The following PCBD2 variants were observed in gnomAD, a reference collection of about 807,000 sequenced individuals.
PCBD2 encodes pterin-4-alpha-carbinolamine dehydratase 2.
A neutral mutation model predicts 16.4 loss-of-function variants in PCBD2; 12 were observed. The observed-to-expected ratio is 0.73, with a 90% CI of 0.47 to 1.19. PCBD2 has a LOEUF of 1.19. PCBD2 is among the 50% of genes most tolerant of loss of function. PCBD2 has a pLI of 0.00. For synonymous variants in PCBD2, 58 were observed against 61.8 expected, an observed-to-expected ratio of 0.94 and a Z score of 0.29; for missense variants, 138 against 156.8, an observed-to-expected ratio of 0.88 and a Z score of 0.64.
intron 2 of PCBD2, among the ~76,000 whole-genome samples, chr5:134,939,706 A>C (rs1392835149): frequency 6.6e-6 from 1 of 152,226 alleles, no homozygotes; most frequent in Non-Finnish European, 1.5e-5. Context: ...GACATCTGTG[A>C]CTTGGGGTCT....
At chr5:134,960,290 C>G (rs1253570561) in intron 3 of PCBD2, among the ~76,000 whole-genome samples, 1 of 152,138 alleles carries the variant, frequency 6.6e-6, no homozygotes, top group Non-Finnish European at 1.5e-5. Context: ...ACCTCAGTCT[C>G]TCTTTTTATT....
intron 2 of PCBD2, among the ~76,000 whole-genome samples, chr5:134,957,344 G>A (rs978729175): frequency 6.6e-6 from 1 of 152,150 alleles, no homozygotes; most frequent in South Asian, 2.1e-4. Context: ...GGACTCCCTG[G>A]CTCAAAAGGC....
chr5:134,910,514 T>G (rs765297685), intron 2 of PCBD2, 48 bp downstream of exon 2: 1 of 1,593,314 alleles, frequency 6.3e-7, no homozygotes, highest in African/African-American at 1.3e-5. Flanking sequence ...TTTAGTCACC[T>G]TAGGCCATAA....
At chr5:134,938,307 T>C (rs1751185322) in intron 2 of PCBD2, among the ~76,000 whole-genome samples, 2 of 152,200 alleles carry the variant, frequency 1.3e-5, no homozygotes, top group South Asian at 2.1e-4. Flanking sequence ...TTCAGTAGAC[T>C]TGCCTCTCAT....
chr5:134,925,213 G>A lies in PCBD2; in HGVS notation c.216+14747G>A, dbSNP rs1371784355. 4 of 398,510 alleles carry A rather than the reference G, an allele frequency of 1.0e-5. No individual in the cohort carries two copies. In the East Asian group the frequency reaches 1.4e-4, roughly 14 times the overall value. 24.7% of individuals were successfully genotyped at this position (398,510 alleles called of 1,614,324 possible). On this transcript the variant is annotated intron_variant, in intron 2 of 3. Coordinates refer to ENST00000254908, the MANE Select transcript of PCBD2 (RefSeq NM_032151.5). ...AGTGCTATAGGCGCTTGTCAGGGAG[G>A]TGGCGATGAGAGTAATAGACAGGGC...
At chr5:134,914,128 G>C (rs1014655276) in intron 2 of PCBD2, among the ~76,000 whole-genome samples, 2 of 152,126 alleles carry the variant, frequency 1.3e-5, no homozygotes, top group Admixed American at 6.5e-5. Context: ...GGCAGGAGAG[G>C]ACAGGATCAG....
intron 2 of PCBD2, among the ~76,000 whole-genome samples, chr5:134,919,207 T>C (rs1016146120): frequency 6.6e-6 from 1 of 152,220 alleles, no homozygotes; most frequent in Non-Finnish European, 1.5e-5. Flanking sequence ...TCTTGCCCTT[T>C]TACAGATGGA....
chr5:134,905,694 T>C (rs949258228), intron 1 of PCBD2: 4 of 154,422 alleles, frequency 2.6e-5, no homozygotes, highest in African/African-American at 7.2e-5. Flanking sequence ...TGGTGACATA[T>C]TGACTTTTCT....
At position 134,924,991 on chromosome 5, in the gene PCBD2, G is replaced by A. The variant is rs115290286; in HGVS notation, c.216+14525G>A. On this transcript the variant is annotated intron_variant, in intron 2 of 3. Coordinates refer to ENST00000254908, the MANE Select transcript of PCBD2 (RefSeq NM_032151.5). The stretch of plus-strand genomic sequence containing the variant: ...AAGTCCTAGGGAAGTGACGCCTAGG[G>A]CTGTGAGTTTTAAGTAAAGTGGGAT... 5.4e-3 allele frequency: 2,132 copies of A among 393,844 alleles called. 49 individuals carry two copies. Among genetic ancestry groups the A allele is most frequent in the African/African-American group, 0.04 (1,938 of 48,558 alleles). The allele number at this position is 393,844 out of a possible 1,614,324, so 24.4% of individuals were successfully genotyped here. A position where few individuals can be genotyped will look rare whatever the true frequency, so the allele number is the denominator to read the frequency against.
intron 2 of PCBD2, among the ~76,000 whole-genome samples, chr5:134,914,738 C>A (rs1189452451): frequency 2.0e-5 from 3 of 151,704 alleles, no homozygotes; most frequent in Middle Eastern, 3.4e-3. Context: ...ATGGTGCGAT[C>A]TTGGCTCACT....
At chr5:134,930,996 C>CA (rs1254965456) in intron 2 of PCBD2, among the ~76,000 whole-genome samples, 36 of 152,286 alleles carry the variant, frequency 2.4e-4, no homozygotes, top group African/African-American at 7.5e-4. Flanking sequence ...TGGCTCACTG[C>CA]AACCTTCACC....
At chr5:134,927,914 A>G (rs1157343454) in intron 2 of PCBD2, 4 of 397,038 alleles carry the variant, frequency 1.0e-5, no homozygotes, top group Non-Finnish European at 1.8e-5. Context: ...TTTGGTTGAA[A>G]AATAGTAGGG....
chr5:134,924,013 AT>A (rs1422525992), intron 2 of PCBD2: 29 of 395,010 alleles, frequency 7.3e-5, no homozygotes, highest in Non-Finnish European at 5.4e-5. Flanking sequence ...CGGTTAATTA[AT>A]TTTATCAAGG....
rs760173801 is a variant in PCBD2, at chr5:134,915,436, ATTTTTTTTTT to A, written c.216+4989_216+4998del. ...TCTATTAAAGCCTGATGGGCCTCTA[ATTTTTTTTTT>A]TTTTTTTTTTTTTTTTTTGAGACAG... On this transcript the variant is annotated intron_variant, in intron 2 of 3. Transcript: ENST00000254908. Among the ~76,000 whole-genome samples, 184 of 114,206 alleles carry A rather than the reference ATTTTTTTTTT, an allele frequency of 1.6e-3. 4 individuals carry two copies. Among genetic ancestry groups the A allele is most frequent in the Admixed American group, 0.014 (163 of 11,322 alleles). The allele number at this position is 114,206 out of a possible 152,430, so 74.9% of individuals were successfully genotyped here.
chr5:134,925,940 A>G (rs1425319124), intron 2 of PCBD2: 2 of 390,824 alleles, frequency 5.1e-6, no homozygotes, highest in Admixed American at 4.5e-5. Flanking sequence ...ATACGGTTGT[A>G]TAGGATTGCT....
intron 2 of PCBD2, among the ~76,000 whole-genome samples, chr5:134,922,742 A>G (rs1750919821): frequency 6.7e-6 from 1 of 150,298 alleles, no homozygotes; most frequent in South Asian, 2.1e-4. Context: ...GGCTCACTGC[A>G]AGCTCCGCCT....
intron 2 of PCBD2, among the ~76,000 whole-genome samples, chr5:134,921,250 G>A (rs529185906): frequency 5.9e-5 from 9 of 152,332 alleles, no homozygotes; most frequent in African/African-American, 1.9e-4. Flanking sequence ...CTGGGGAGGT[G>A]GCACATCTGA....
intron 2 of PCBD2, 100 bp from the exon 3 acceptor site, chr5:134,958,940 A>T: frequency 1.2e-6 from 1 of 860,280 alleles, no homozygotes; most frequent in Non-Finnish European, 1.9e-6. Context: ...TTCCCTAAGG[A>T]TCCTTGCCTG....
chr5:134,952,102 C>A (rs867650153), intron 2 of PCBD2, among the ~76,000 whole-genome samples: 4 of 146,356 alleles, frequency 2.7e-5, no homozygotes, highest in Admixed American at 1.4e-4. Context: ...TAAATGATAT[C>A]TTTTCTTCGG....
Sources: gnomAD v4.1 joint callset for allele counts (sites outside exome capture counted in the v4.1 genomes callset) on GRCh38, gnomAD v4.1.1 for gene constraint, MANE v1.5 for transcripts, NCBI Gene and HGNC (gene_info 2026-07-23, HGNC 2026-07-21) for gene names.